The following MAST2 variants were observed in gnomAD, a reference collection of about 807,000 sequenced individuals.
MAST2 encodes microtubule associated serine/threonine kinase 2.
In MAST2, 70 loss-of-function variants were observed where a neutral mutation model predicts 147.4. The ratio of observed to expected loss-of-function variants is 0.47; its 90% CI spans 0.39 to 0.58. The LOEUF (loss-of-function observed/expected upper bound fraction) is 0.58, where lower values mean the gene tolerates loss of function less well. MAST2 is among the 20% of genes least tolerant of loss of function. MAST2 has a pLI of 0.00. For synonymous variants in MAST2, 869 were observed against 896.8 expected, an observed-to-expected ratio of 0.97 and a Z score of 0.55; for missense variants, 2,080 against 2,302.3, an observed-to-expected ratio of 0.90 and a Z score of 1.98.
chr1:45,986,106 C>A (rs577188524), intron 5 of MAST2, among the ~76,000 whole-genome samples: 65 of 152,238 alleles, frequency 4.3e-4, no homozygotes, highest in African/African-American at 1.2e-3. Flanking sequence ...ATATTCTTGC[C>A]TTGTTCCTGA....
intron 4 of MAST2, among the ~76,000 whole-genome samples, chr1:45,892,080 G>T (rs1443847211): frequency 1.3e-5 from 2 of 152,166 alleles, no homozygotes; most frequent in Non-Finnish European, 2.9e-5. Context: ...TTCCTTAAAA[G>T]TGGTTTGTTA....
chr1:45,983,658 A>T (rs1443215793), intron 5 of MAST2, among the ~76,000 whole-genome samples: 1 of 151,666 alleles, frequency 6.6e-6, no homozygotes, highest in African/African-American at 2.4e-5. Context: ...CCCTCAGCTA[A>T]TTTTTTTTAG....
chr1:46,022,164 G>A, intron 12 of MAST2, 82 bp downstream of exon 12: 1 of 1,570,150 alleles, frequency 6.4e-7, no homozygotes, highest in Non-Finnish European at 8.7e-7. Flanking sequence ...TTGGAAAAGA[G>A]ACTTAGCTTG....
chr1:45,893,474 C>G (rs1648196608), intron 4 of MAST2, among the ~76,000 whole-genome samples: 1 of 151,898 alleles, frequency 6.6e-6, no homozygotes, highest in African/African-American at 2.4e-5. Context: ...CTCCTGGGCT[C>G]AAGTGATCCT....
At position 45,827,420 on chromosome 1, in the gene MAST2, T is replaced by C. The variant is rs77579883; in HGVS notation, c.326-2019T>C. On this transcript the variant is annotated intron_variant, in intron 2 of 28. Transcript: ENST00000361297. ...GTCTTTACTGGTGTACAGAGTCAAA[T>C]AGGTTTCTTCTACAGTGTGTAAGCC... is the stretch of plus-strand genomic sequence containing the variant. 6.6e-3 allele frequency among the ~76,000 whole-genome samples: 1,011 copies of C among 152,252 alleles called. 12 individuals carry two copies. Among genetic ancestry groups the C allele is most frequent in the African/African-American group, 0.023 (975 of 41,544 alleles).
In MAST2 at chr1:45,899,849, T is replaced by TA. The variant is rs539129101; in HGVS notation, c.500+17463dup. On this transcript the variant is annotated intron_variant, in intron 4 of 28. Transcript: ENST00000361297. ...AAGGGGAAAAAAAGAGCTTTACAAT[T>TA]AAAAAAAAATTTTTTTTTTTAAGAT... Among the ~76,000 whole-genome samples, 21 of 151,680 alleles carry TA rather than the reference T, an allele frequency of 1.4e-4. No homozygotes were observed. In the South Asian group the frequency reaches 2.1e-3, roughly 15 times the overall value.
intron 4 of MAST2, among the ~76,000 whole-genome samples, chr1:45,940,840 C>A (rs1041931274): frequency 6.6e-6 from 1 of 152,038 alleles, no homozygotes; most frequent in Non-Finnish European, 1.5e-5. Flanking sequence ...AGGATGGCCT[C>A]GATCTCCTGA....
intron 4 of MAST2, among the ~76,000 whole-genome samples, chr1:45,933,906 T>C (rs1448639613): frequency 2.5e-5 from 1 of 39,772 alleles, no homozygotes; most frequent in Non-Finnish European, 5.3e-5. Context: ...AAATTTTAAG[T>C]TTTTTTTTTT....
At position 45,841,853 on chromosome 1, in the gene MAST2, A is replaced by T. The variant is rs1051565909; in HGVS notation, c.468+12272A>T. Among the ~76,000 whole-genome samples, 4 of 152,240 alleles carry T rather than the reference A, an allele frequency of 2.6e-5. No individual in the cohort carries two copies. In the South Asian group the frequency reaches 8.3e-4, roughly 31 times the overall value. On this transcript the variant is annotated intron_variant, in intron 3 of 28. Transcript: ENST00000361297. ...TTGGACCATATTAGTTATGTAGGTC[A>T]TGGTAAATTATTACATTTGTAGACT... is the stretch of plus-strand genomic sequence containing the variant.
intron 3 of MAST2, among the ~76,000 whole-genome samples, chr1:45,856,524 T>C (rs1024114185): frequency 6.6e-6 from 1 of 152,232 alleles, no homozygotes; most frequent in Non-Finnish European, 1.5e-5. Flanking sequence ...TTGCATGCCT[T>C]GTAAGTTTCA....
intron 16 of MAST2, 147 bp downstream of exon 16, chr1:46,025,962 G>T: frequency 1.0e-6 from 1 of 978,996 alleles, no homozygotes. Context: ...TAGTTCTCTA[G>T]CCCCCCGACC....
intron 5 of MAST2, among the ~76,000 whole-genome samples, chr1:45,979,561 G>A (rs1366611066): frequency 6.6e-6 from 1 of 152,038 alleles, no homozygotes; most frequent in Non-Finnish European, 1.5e-5. Context: ...AGCTTAGCTG[G>A]GCACAGTGAC....
At chr1:45,988,247 C>T (rs1009144134) in intron 5 of MAST2, among the ~76,000 whole-genome samples, 4 of 152,130 alleles carry the variant, frequency 2.6e-5, no homozygotes, top group Admixed American at 6.6e-5. Flanking sequence ...TTCCTAGCCT[C>T]AAGGGATTCC....
intron 7 of MAST2, 150 bp downstream of exon 7, chr1:46,003,033 C>CT: frequency 1.3e-6 from 1 of 763,680 alleles, no homozygotes; most frequent in African/African-American, 1.7e-5. Context: ...CAACAGAGGG[C>CT]TGGGGTCCCT....
At chr1:45,887,499 A>T (rs1647147777) in intron 4 of MAST2, among the ~76,000 whole-genome samples, 2 of 152,170 alleles carry the variant, frequency 1.3e-5, no homozygotes, top group African/African-American at 4.8e-5. Context: ...GATACCAGAT[A>T]TTGGATGAAA....
At chr1:46,025,916 C>G in intron 16 of MAST2, 101 bp downstream of exon 16, 2 of 1,452,032 alleles carry the variant, frequency 1.4e-6, no homozygotes, top group Non-Finnish European at 1.9e-6. Context: ...AGATGGCTAC[C>G]GGGAAAACAT....
intron 3 of MAST2, among the ~76,000 whole-genome samples, chr1:45,836,708 T>C (rs1392548045): frequency 6.6e-6 from 1 of 152,226 alleles, no homozygotes; most frequent in African/African-American, 2.4e-5. Flanking sequence ...ATAATTTACA[T>C]AGAATAAAAT....
chr1:45,899,088 T>C (rs1461184986), intron 4 of MAST2, among the ~76,000 whole-genome samples: 2 of 152,180 alleles, frequency 1.3e-5, no homozygotes, highest in African/African-American at 2.4e-5. Context: ...TAGAAAAATA[T>C]AATGCAATTC....
intron 4 of MAST2, among the ~76,000 whole-genome samples, chr1:45,951,715 A>G (rs1658955944): frequency 1.3e-5 from 2 of 152,266 alleles, no homozygotes; most frequent in Admixed American, 1.3e-4. Context: ...TTGAAAATGC[A>G]ACAGTCGTGT....
Sources: allele counts gnomAD v4.1 joint callset (sites outside exome capture counted in the v4.1 genomes callset), GRCh38; gene constraint gnomAD v4.1.1; transcripts MANE v1.5; gene names NCBI Gene and HGNC (gene_info 2026-07-23, HGNC 2026-07-21).